The following FAM219A variants were observed in gnomAD, a reference collection of about 807,000 sequenced individuals.
The protein encoded by FAM219A is protein FAM219A.
FAM219A carries 7 observed loss-of-function variants against 23.4 expected under a neutral mutation model. That is an observed-to-expected ratio of 0.30 (90% CI 0.17 to 0.56). FAM219A has a LOEUF of 0.56. Among genes scored for constraint, FAM219A ranks in the 20% least tolerant of loss-of-function variants. FAM219A has a pLI of 0.92. For missense variants in FAM219A, 166 were observed against 246.9 expected (o/e 0.67, Z 2.20); for synonymous variants, 93 against 99.0 (o/e 0.94, Z 0.36).
intron 1 of FAM219A, among the ~76,000 whole-genome samples, chr9:34,420,097 C>T (rs972488898): frequency 1.3e-5 from 2 of 152,182 alleles, no homozygotes; most frequent in African/African-American, 4.8e-5. Flanking sequence ...CATTGGTGAA[C>T]TTGCCACTTG....
At chr9:34,440,590 C>T (rs530800023) in intron 1 of FAM219A, among the ~76,000 whole-genome samples, 28 of 152,144 alleles carry the variant, frequency 1.8e-4, no homozygotes, top group Middle Eastern at 3.4e-3. Context: ...GTGGCTCACG[C>T]CTGTAATCCC....
rs1165622084 is a variant in FAM219A at position 34,398,325 on chromosome 9, G to C, written c.*2639C>G. 3.9e-6 allele frequency: 6 copies of C among 1,550,828 alleles called. No individual in the cohort carries two copies. In the African/African-American group the frequency reaches 4.1e-5, roughly 11 times the overall value. ...CACACACCTTCCTGGAAATAAATTA[G>C]TGAGCACGGAGAAACCTGGCTGGGT... is the stretch of plus-strand genomic sequence containing the variant. On this transcript the variant is annotated 3_prime_UTR_variant, in exon 6 of 6. Transcript: ENST00000651358.
chr9:34,406,487 T>TGACCAAGCCACAC (rs1821640425), intron 1 of FAM219A: 1 of 985,312 alleles, frequency 1.0e-6, no homozygotes, highest in Admixed American at 6.2e-5. Context: ...CCTTCAAGGC[T>TGACCAAGCCACAC]ACAGCCACTG....
intron 1 of FAM219A, among the ~76,000 whole-genome samples, chr9:34,436,836 A>T (rs1174416647): frequency 1.3e-5 from 2 of 152,198 alleles, no homozygotes; most frequent in Non-Finnish European, 2.9e-5. Context: ...CATGGGTGTC[A>T]TATTACCTAC....
chr9:34,426,564 C>G (rs918535876), intron 1 of FAM219A, among the ~76,000 whole-genome samples: 1 of 152,222 alleles, frequency 6.6e-6, no homozygotes. Flanking sequence ...CAGATAGGAA[C>G]AGGCAATGGC....
intron 1 of FAM219A, among the ~76,000 whole-genome samples, chr9:34,409,090 C>A (rs1821740727): frequency 6.6e-6 from 1 of 152,238 alleles, no homozygotes. Flanking sequence ...ACTGCCAGCT[C>A]CTTTGGACCA....
At position 34,402,392 on chromosome 9, in the gene FAM219A, C is replaced by T. The variant is rs202212101; in HGVS notation, c.339G>A (p.Thr113=). Residue 113 remains threonine, a synonymous_variant, in exon 4 of 6, where the codon ACG becomes ACA. Coordinates refer to ENST00000651358, the MANE Select transcript of FAM219A (RefSeq NM_001184940.2). ...CCCCAAGCCCCCATACACACCTGTC[C>T]GTGTCAAGGGCTACCAGTGGCTTCT... The part of the protein sequence containing the change: ...PDEKPLVALD[T]DSDDDFDMSR... 1.4e-4 allele frequency: 229 copies of T among 1,614,074 alleles called. No homozygotes were observed. Among genetic ancestry groups the T allele is most frequent in the Non-Finnish European group, 1.8e-4 (215 of 1,180,040 alleles).
chr9:34,423,887 C>A (rs1474112415), intron 1 of FAM219A, among the ~76,000 whole-genome samples: 1 of 152,142 alleles, frequency 6.6e-6, no homozygotes, highest in East Asian at 1.9e-4. Flanking sequence ...TTCCTCCTGA[C>A]TCAGGTGACT....
At chr9:34,440,937 G>T (rs943374183) in intron 1 of FAM219A, among the ~76,000 whole-genome samples, 9 of 152,012 alleles carry the variant, frequency 5.9e-5, no homozygotes, top group Non-Finnish European at 1.3e-4. Flanking sequence ...AGGCCTGATC[G>T]TATAGCACTT....
intron 1 of FAM219A, among the ~76,000 whole-genome samples, chr9:34,408,640 C>G (rs965144636): frequency 2.1e-4 from 32 of 152,192 alleles, no homozygotes; most frequent in Admixed American, 2.1e-3. Flanking sequence ...CTCCCACAAC[C>G]CTTTGCCTCC....
At chr9:34,416,816 T>TG (rs1564003901) in intron 1 of FAM219A, among the ~76,000 whole-genome samples, 44 of 150,486 alleles carry the variant, frequency 2.9e-4, no homozygotes, top group African/African-American at 1.0e-3. Context: ...CCATTTTTTT[T>TG]TTTTTTTTTT....
In FAM219A at chr9:34,401,049, T is replaced by G. The variant is rs1177743266; in HGVS notation, c.473A>C (p.Asp158Ala). The change falls in exon 6 of 6, where the codon GAC becomes GCC. Residue 158 changes from aspartate to alanine, a missense_variant. Transcript: ENST00000651358. ...GGACTTGGGGGGGATGAGGTCTAGG[T>G]CCTCGTCGTCGGGGATCTCATCTAA... is the stretch of plus-strand genomic sequence containing the variant. The part of the protein sequence containing the change: ...YRLDEIPDDE[D>A]LDLIPPKSVN... 1 of 1,611,636 alleles carries G rather than the reference T, an allele frequency of 6.2e-7. No homozygotes were observed. The highest frequency in any genetic ancestry group is 1.1e-5 in the South Asian group (1 of 90,812).
In FAM219A at chr9:34,401,057, G is replaced by A. The variant is rs755817741; in HGVS notation, c.465C>T (p.Asp155=). The A allele has an allele frequency of 1.1e-5, 17 of 1,612,406 alleles. No individual in the cohort carries two copies. The highest frequency in any genetic ancestry group is 1.3e-5 in the African/African-American group (1 of 74,942). ...KDGYRLDEIP[D]DEDLDLIPPK... is the part of the protein sequence containing the mutation. ...GGGGGATGAGGTCTAGGTCCTCGTC[G>A]TCGGGGATCTCATCTAACCGGTAGC... Residue 155 remains aspartate (D), a synonymous_variant, in exon 6 of 6, where the codon GAC becomes GAT. Transcript: ENST00000651358.
chr9:34,405,791 GCACCTCATTGTAGACC>G, intron 2 of FAM219A, 58 bp downstream of exon 2: 1 of 1,403,774 alleles, frequency 7.1e-7, no homozygotes, highest in Non-Finnish European at 9.9e-7. Flanking sequence ...TTTATTTGTG[GCACCTCATTGTAGACC>G]CAGCCCAGAG....
At chr9:34,407,366 C>T (rs1821675698) in intron 1 of FAM219A, among the ~76,000 whole-genome samples, 1 of 152,038 alleles carries the variant, frequency 6.6e-6, no homozygotes, top group African/African-American at 2.4e-5. Context: ...AGGTTAAAAT[C>T]TTTTGATTTT....
At chr9:34,449,865 A>G (rs1231922035) in intron 1 of FAM219A, among the ~76,000 whole-genome samples, 3 of 152,204 alleles carry the variant, frequency 2.0e-5, no homozygotes, top group African/African-American at 7.2e-5. Context: ...GTCTTTCCCA[A>G]AGAAATTTTT....
intron 1 of FAM219A, among the ~76,000 whole-genome samples, chr9:34,440,296 T>C (rs1473999011): frequency 1.3e-5 from 2 of 152,172 alleles, no homozygotes; most frequent in African/African-American, 4.8e-5. Context: ...GTAGTAGAAG[T>C]TGAAGACTCC....
intron 5 of FAM219A, 117 bp from the exon 6 acceptor site, chr9:34,401,239 C>A: frequency 7.8e-7 from 1 of 1,277,016 alleles, no homozygotes; most frequent in Non-Finnish European, 1.1e-6. Flanking sequence ...ATATCAGCCC[C>A]GCCCTGTCCC....
At chr9:34,435,464 G>A (rs1459233279) in intron 1 of FAM219A, among the ~76,000 whole-genome samples, 2 of 152,148 alleles carry the variant, frequency 1.3e-5, no homozygotes, top group Non-Finnish European at 2.9e-5. Flanking sequence ...ATGCTGTTTT[G>A]TCATAACAAA....
Sources: gnomAD v4.1 joint callset for allele counts (sites outside exome capture counted in the v4.1 genomes callset) on GRCh38, gnomAD v4.1.1 for gene constraint, MANE v1.5 for transcripts, NCBI Gene and HGNC (gene_info 2026-07-23, HGNC 2026-07-21) for gene names.